The following TMED10 variants were observed in gnomAD, a reference collection of about 807,000 sequenced individuals.
TMED10 encodes the protein transmembrane p24 trafficking protein 10, also known as transmembrane emp24 domain-containing protein 10.
In TMED10, 7 loss-of-function variants were observed where a neutral mutation model predicts 23.1. The observed-to-expected ratio is 0.30, with a 90% CI of 0.17 to 0.57. TMED10 has a LOEUF of 0.57. Ranked by LOEUF, TMED10 falls within the 20% of genes least tolerant of loss-of-function variation. The pLI, the probability that TMED10 is intolerant of heterozygous loss-of-function variation, is 0.91. For synonymous variants in TMED10, 113 were observed against 106.9 expected (o/e 1.06, Z -0.35); for missense variants, 162 against 274.8 (o/e 0.59, Z 2.90).
chr14:75,166,125 T>C (rs1399956314), intron 1 of TMED10, among the ~76,000 whole-genome samples: 1 of 152,206 alleles, frequency 6.6e-6, no homozygotes, highest in Admixed American at 6.5e-5. Context: ...CAAAGTTATT[T>C]ACGGTAAAAA....
chr14:75,149,842 T>G (rs61980823), intron 2 of TMED10, among the ~76,000 whole-genome samples: 71,556 of 151,942 alleles, frequency 0.47, 17,312 homozygotes, highest in Middle Eastern at 0.56. Context: ...CGGTGGCTCA[T>G]GCCTGTAATC....
intron 3 of TMED10, among the ~76,000 whole-genome samples, chr14:75,144,613 C>T (rs939779732): frequency 6.6e-6 from 1 of 151,796 alleles, no homozygotes; most frequent in African/African-American, 2.4e-5. Flanking sequence ...ATTATGAGTC[C>T]ACAGATATGA....
At chr14:75,161,480 C>G (rs1345579030) in intron 1 of TMED10, among the ~76,000 whole-genome samples, 2 of 147,798 alleles carry the variant, frequency 1.4e-5, no homozygotes, top group Non-Finnish European at 3.0e-5. Flanking sequence ...CTGATGAAAG[C>G]TCACAAATTT....
intron 1 of TMED10, among the ~76,000 whole-genome samples, chr14:75,161,946 G>A (rs1240914570): frequency 2.0e-5 from 3 of 151,800 alleles, no homozygotes; most frequent in Non-Finnish European, 4.4e-5. Context: ...ACTGAGGAAG[G>A]AAATGTACAA....
chr14:75,151,206 G>GTTT (rs1007698729), intron 2 of TMED10, among the ~76,000 whole-genome samples: 1 of 148,690 alleles, frequency 6.7e-6, no homozygotes, highest in African/African-American at 2.5e-5. Flanking sequence ...CGCCCGGCCA[G>GTTT]TTTTTTTTGT....
rs78430070 is a variant in TMED10 at position 75,141,211 on chromosome 14, C to A, written c.412-5325G>T. Among the ~76,000 whole-genome samples, 6 of 152,172 alleles carry A rather than the reference C, an allele frequency of 3.9e-5. No homozygotes were observed. The East Asian group carries it at 1.2e-3, about 29-fold the overall frequency. ...CAGGAAGTGGGTGAGCTGGGTCTCA[C>A]AAGTTGGGCAGGACTTTTGAGAGGG... On this transcript the variant is annotated intron_variant, in intron 3 of 4. Coordinates refer to ENST00000303575, the MANE Select transcript of TMED10 (RefSeq NM_006827.6).
intron 1 of TMED10, among the ~76,000 whole-genome samples, chr14:75,152,894 T>C (rs555408923): frequency 2.2e-3 from 332 of 152,060 alleles, no homozygotes; most frequent in African/African-American, 7.6e-3. Flanking sequence ...CCGAGGCGGA[T>C]GGATCACGAG....
intron 3 of TMED10, among the ~76,000 whole-genome samples, chr14:75,143,823 A>G (rs1282406336): frequency 1.3e-5 from 2 of 151,592 alleles, no homozygotes; most frequent in East Asian, 1.9e-4. Flanking sequence ...AATCCCAGCT[A>G]CTCGGGAGGC....
At chr14:75,149,932 G>A (rs559762853) in intron 2 of TMED10, among the ~76,000 whole-genome samples, 12 of 152,070 alleles carry the variant, frequency 7.9e-5, no homozygotes, top group Non-Finnish European at 1.6e-4. Context: ...GATGAAACCC[G>A]TCTCTACTAA....
chr14:75,165,962 C>T (rs1017594892), intron 1 of TMED10, among the ~76,000 whole-genome samples: 1 of 141,518 alleles, frequency 7.1e-6, no homozygotes. Flanking sequence ...ATAGGCAATA[C>T]GTCATGCTTG....
intron 3 of TMED10, among the ~76,000 whole-genome samples, chr14:75,141,551 A>G (rs1363712836): frequency 6.6e-6 from 1 of 152,186 alleles, no homozygotes; most frequent in Non-Finnish European, 1.5e-5. Flanking sequence ...AATCCTCGTA[A>G]CCCTATAAGG....
chr14:75,139,021 G>T, intron 3 of TMED10: 1 of 342,430 alleles, frequency 2.9e-6, no homozygotes, highest in Non-Finnish European at 5.7e-6. Flanking sequence ...TATATTCTTT[G>T]GCTAAAAATT....
intron 3 of TMED10, among the ~76,000 whole-genome samples, chr14:75,139,801 A>G (rs1895799177): frequency 6.6e-6 from 1 of 152,168 alleles, no homozygotes; most frequent in Admixed American, 6.5e-5. Flanking sequence ...TAGAAATCTT[A>G]AAGAAATCTC....
intron 2 of TMED10, among the ~76,000 whole-genome samples, chr14:75,151,570 T>A (rs1203268792): frequency 6.6e-6 from 1 of 152,212 alleles, no homozygotes; most frequent in Non-Finnish European, 1.5e-5. Context: ...ACAACAAAAC[T>A]GAGAGGAAGG....
intron 3 of TMED10, among the ~76,000 whole-genome samples, chr14:75,144,629 A>G (rs1212331097): frequency 6.6e-6 from 1 of 151,988 alleles, no homozygotes; most frequent in African/African-American, 2.4e-5. Context: ...TATGAGGGAG[A>G]GATGTGTTGG....
chr14:75,134,305 T>C lies in TMED10; in HGVS notation c.*580A>G, dbSNP rs1895722157. 3 of 154,192 alleles carry C rather than the reference T, an allele frequency of 1.9e-5. No homozygotes were observed. In the South Asian group the frequency reaches 6.0e-4, roughly 31 times the overall value. The allele number at this position is 154,192 out of a possible 1,614,324, so 9.6% of individuals were successfully genotyped here. Reference sequence around the variant, plus strand: ...AATGACATTTTCTTTAAGAGTTATCTACAGTTCAAAGCTCACTTTTATGAG... The same window carrying C: ...AATGACATTTTCTTTAAGAGTTATCCACAGTTCAAAGCTCACTTTTATGAG... On this transcript the variant is annotated 3_prime_UTR_variant, in exon 5 of 5. Coordinates refer to ENST00000303575, the MANE Select transcript of TMED10 (RefSeq NM_006827.6).
intron 3 of TMED10, among the ~76,000 whole-genome samples, chr14:75,140,906 GA>G (rs1038863006): frequency 3.3e-5 from 5 of 150,226 alleles, no homozygotes; most frequent in African/African-American, 7.3e-5. Flanking sequence ...TAATAATAAA[GA>G]AAAAAAAACT....
chr14:75,139,089 A>G (rs1047418), intron 3 of TMED10: 212,347 of 440,760 alleles, frequency 0.48, 54,526 homozygotes, highest in East Asian at 0.83. Context: ...TGGTTCCTCA[A>G]TTCCCACATT....
At chr14:75,174,919 A>C (rs1896283170) in intron 1 of TMED10, among the ~76,000 whole-genome samples, 1 of 151,812 alleles carries the variant, frequency 6.6e-6, no homozygotes, top group Admixed American at 6.6e-5. Flanking sequence ...TGGCGCCTGT[A>C]GTCCTAGCTA....
Sources: gnomAD v4.1 joint callset for allele counts (sites outside exome capture counted in the v4.1 genomes callset) on GRCh38, gnomAD v4.1.1 for gene constraint, MANE v1.5 for transcripts, NCBI Gene and HGNC (gene_info 2026-07-23, HGNC 2026-07-21) for gene names.